The following CUL2 variants were observed in gnomAD, a reference collection of about 807,000 sequenced individuals.
CUL2 encodes the protein cullin-2.
CUL2 carries 22 observed loss-of-function variants against 110.2 expected under a neutral mutation model. That is an observed-to-expected ratio of 0.20 (90% CI 0.14 to 0.28). The LOEUF (loss-of-function observed/expected upper bound fraction) is 0.28. CUL2 is among the 10% of genes least tolerant of loss of function. CUL2 has a pLI of 1.00. For missense variants in CUL2, 631 were observed against 905.5 expected (o/e 0.70, Z 3.89); for synonymous variants, 279 against 293.2 (o/e 0.95, Z 0.49).
At chr10:35,089,031 C>T (rs1277735142) in intron 1 of CUL2, among the ~76,000 whole-genome samples, 1 of 152,104 alleles carries the variant, frequency 6.6e-6, no homozygotes, top group East Asian at 1.9e-4. Context: ...CAAAATTAGC[C>T]GGGCATGGTG....
intron 19 of CUL2, 82 bp from the exon 20 acceptor site, chr10:35,012,046 G>T: frequency 2.7e-6 from 2 of 730,236 alleles, no homozygotes; most frequent in East Asian, 2.9e-5. Flanking sequence ...ATCAGTGAGT[G>T]CAAATACTTT....
At chr10:35,032,533 A>AG (rs1367981073) in intron 11 of CUL2, 39 bp from the exon 12 acceptor site, 1 of 1,512,136 alleles carries the variant, frequency 6.6e-7, no homozygotes, top group East Asian at 2.4e-5. Flanking sequence ...CACCAGCCAT[A>AG]GGGAAAAAGT....
At chr10:35,106,866 T>C (rs2087463885) in intron 1 of CUL2, among the ~76,000 whole-genome samples, 1 of 151,808 alleles carries the variant, frequency 6.6e-6, no homozygotes, top group Non-Finnish European at 1.5e-5. Flanking sequence ...CAGTTTACTT[T>C]ATGCCAGTGT....
At chr10:35,091,634 T>G (rs1056555161), upstream of CUL2, among the ~76,000 whole-genome samples, 13 of 152,050 alleles carry the variant, frequency 8.5e-5, no homozygotes, top group African/African-American at 2.9e-4. Context: ...TTTTTTTTTT[T>G]GGATACAGAG....
chr10:35,124,104 G>A (rs74491371), intron 1 of CUL2, among the ~76,000 whole-genome samples: 3 of 152,216 alleles, frequency 2.0e-5, no homozygotes, highest in African/African-American at 7.2e-5. Flanking sequence ...GATCGCTTTA[G>A]ACTAGGTACT....
intron 1 of CUL2, among the ~76,000 whole-genome samples, chr10:35,075,738 T>C (rs2086803730): frequency 1.3e-5 from 2 of 152,066 alleles, no homozygotes; most frequent in Non-Finnish European, 1.5e-5. Flanking sequence ...TAATTACCTG[T>C]TTCCAGAAAA....
At chr10:35,096,844 CTG>C (rs1564751962) in intron 2 of CUL2, among the ~76,000 whole-genome samples, 1 of 143,880 alleles carries the variant, frequency 7.0e-6, no homozygotes, top group Non-Finnish European at 1.5e-5. Flanking sequence ...GAGTTTCACT[CTG>C]TTGCCCAGGC....
At chr10:35,071,132 C>A in intron 2 of CUL2, 67 bp downstream of exon 2, 1 of 1,472,768 alleles carries the variant, frequency 6.8e-7, no homozygotes, top group Non-Finnish European at 9.4e-7. Context: ...TAACATTGAA[C>A]ATGTTCTCAG....
In CUL2 at chr10:35,010,337, C is replaced by T; in HGVS notation, c.2212G>A (p.Ala738Thr). ...CACGCGACGTAGCTGTATTCATCTGCCGACGCCTGGCTGCGTTCTATGTAT... is the reference window on the plus strand; with the variant it reads ...CACGCGACGTAGCTGTATTCATCTGTCGACGCCTGGCTGCGTTCTATGTAT... ...KQYIERSQAS[A>T]DEYSYVA is the part of the protein sequence containing the mutation. Residue 738 changes from alanine (A) to threonine (T), a missense_variant, in exon 21 of 21, where the codon GCA (alanine) becomes ACA (threonine). Coordinates refer to ENST00000374749, the MANE Select transcript of CUL2 (RefSeq NM_003591.4). The T allele has an allele frequency of 1.2e-6, 2 of 1,610,910 alleles. No individual in the cohort carries two copies. Among genetic ancestry groups the T allele is most frequent in the Non-Finnish European group, 1.7e-6 (2 of 1,178,606 alleles).
chr10:35,065,335 T>C (rs2086489697), intron 2 of CUL2, among the ~76,000 whole-genome samples: 1 of 152,062 alleles, frequency 6.6e-6, no homozygotes, highest in Non-Finnish European at 1.5e-5. Flanking sequence ...GGTCAAGAGA[T>C]CGAGGCCAGC....
intron 1 of CUL2, among the ~76,000 whole-genome samples, chr10:35,071,895 T>C (rs2086691182): frequency 1.3e-5 from 2 of 152,352 alleles, no homozygotes; most frequent in East Asian, 3.9e-4. Context: ...AAATTATTTA[T>C]GATCAAGGGT....
At chr10:35,071,856 A>C (rs761216478) in intron 1 of CUL2, among the ~76,000 whole-genome samples, 7 of 152,348 alleles carry the variant, frequency 4.6e-5, no homozygotes, top group Non-Finnish European at 1.0e-4. Flanking sequence ...ATTCATTACA[A>C]GCTCTAGGAA....
chr10:35,049,122 C>T (rs1779034110), intron 6 of CUL2, among the ~76,000 whole-genome samples: 1 of 152,192 alleles, frequency 6.6e-6, no homozygotes, highest in African/African-American at 2.4e-5. Flanking sequence ...CTATTCTAGA[C>T]TCCACAGGAA....
chr10:35,062,955 C>T lies in CUL2; in HGVS notation c.222+5G>A. ...TATTTATATCACGTATGTATCATTG[C>T]TTACCTTATGCAAATGCCGAACATG... On this transcript the variant is annotated splice_donor_5th_base_variant and intron_variant, in intron 3 of 20. Coordinates refer to ENST00000374749, the MANE Select transcript of CUL2 (RefSeq NM_003591.4). 3 of 1,495,144 alleles carry T rather than the reference C, an allele frequency of 2.0e-6. No individual in the cohort carries two copies. The highest frequency in any genetic ancestry group is 2.8e-6 in the Non-Finnish European group (3 of 1,074,022). 92.6% of individuals were successfully genotyped at this position (1,495,144 alleles called of 1,614,324 possible).
Position 35,060,966 on chromosome 10 carries a change from T to G in CUL2, c.225A>C (p.Arg75Ser), listed in dbSNP as rs372233307. Residue 75 changes from arginine to serine, a missense_variant and splice_region_variant, in exon 4 of 21, where the codon AGA becomes AGC. Arg to Ser is a moderately radical substitution (Grantham distance 110, BLOSUM62 -1). Transcript: ENST00000374749. ...GTACTTGTTCTTCTGACTCCAAAACTCTCTATATAAAGAGGAAAAATATTT... is the reference window on the plus strand; with the variant it reads ...GTACTTGTTCTTCTGACTCCAAAACGCTCTATATAAAGAGGAAAAATATTT... The part of the protein sequence containing the change: ...LENHVRHLHK[R>S]VLESEEQVLV... 2 of 1,610,592 alleles carry G rather than the reference T, an allele frequency of 1.2e-6. No homozygotes were observed. Among genetic ancestry groups the G allele is most frequent in the Admixed American group, 1.7e-5 (1 of 59,232 alleles).
At chr10:35,038,385 G>C (rs1166254981) in intron 9 of CUL2, among the ~76,000 whole-genome samples, 9 of 150,952 alleles carry the variant, frequency 6.0e-5, no homozygotes, top group Admixed American at 3.3e-4. Flanking sequence ...AATTAGCCAG[G>C]TGTGGTGATG....
chr10:35,110,427 T>C (rs933488203), intron 1 of CUL2, among the ~76,000 whole-genome samples: 1 of 152,046 alleles, frequency 6.6e-6, no homozygotes, highest in Non-Finnish European at 1.5e-5. Context: ...TAGCTGGGTG[T>C]GGTGGTGCAC....
chr10:35,015,466 A>C (rs573293478), intron 18 of CUL2, among the ~76,000 whole-genome samples: 159 of 152,334 alleles, frequency 1.0e-3, no homozygotes, highest in South Asian at 8.5e-3. Flanking sequence ...TGAATTAATG[A>C]GAGAAATAAA....
At chr10:35,011,997 CA>C in intron 19 of CUL2, 33 bp from the exon 20 acceptor site, 2 of 1,272,018 alleles carry the variant, frequency 1.6e-6, no homozygotes, top group Non-Finnish European at 2.2e-6. Context: ...AAAGACCCAA[CA>C]AGACATTAAG....
Sources: gnomAD v4.1 joint callset for allele counts (sites outside exome capture counted in the v4.1 genomes callset) on GRCh38, gnomAD v4.1.1 for gene constraint, MANE v1.5 for transcripts, NCBI Gene and HGNC (gene_info 2026-07-23, HGNC 2026-07-21) for gene names.